Variants in TTC3 observed in about 807,000 individuals in gnomAD.
TTC3 encodes tetratricopeptide repeat domain 3, also known as E3 ubiquitin-protein ligase TTC3.
Under a neutral mutation model 249.6 loss-of-function variants are expected in TTC3, and 180 were observed. That is an observed-to-expected ratio of 0.72 (90% CI 0.64 to 0.82). The LOEUF is 0.82. TTC3 is among the 40% of genes least tolerant of loss of function. TTC3 has a pLI of 0.00. For missense variants in TTC3, 2,061 were observed against 2,398.4 expected, an observed-to-expected ratio of 0.86 and a Z score of 2.94; for synonymous variants, 717 against 805.0, an observed-to-expected ratio of 0.89 and a Z score of 1.85.
At chr21:37,091,221 G>T in intron 6 of TTC3, 72 bp from the exon 7 acceptor site, 1 of 1,492,802 alleles carries the variant, frequency 6.7e-7, no homozygotes, top group Non-Finnish European at 9.2e-7. Flanking sequence ...TGCATAAGAT[G>T]AATTTATAAT....
chr21:37,197,912 G>C, exon 44 of TTC3: 1 of 1,613,724 alleles, frequency 6.2e-7, no homozygotes, highest in Non-Finnish European at 8.5e-7. Flanking sequence ...GAGGACTTAT[G>C]AGCCCAGCTC....
In TTC3 at chr21:37,156,982, TA is replaced by T; in HGVS notation, c.2992+79del. 2.6e-6 allele frequency: 4 copies of T among 1,510,868 alleles called. 1 individual carries two copies. In the South Asian group the frequency reaches 5.0e-5, roughly 19 times the overall value. 93.6% of individuals were successfully genotyped at this position (1,510,868 alleles called of 1,614,324 possible). A position where few individuals can be genotyped will look rare whatever the true frequency, so the allele number is the denominator to read the frequency against. ...AAATCTGTGAAGGACCTAGCTTGTT[TA>T]AATATATAACAAAGAAAATAGTGAA... is the stretch of plus-strand genomic sequence containing the variant. On this transcript the variant is annotated intron_variant, in intron 28 of 45. Coordinates refer to ENST00000355666, the Ensembl canonical transcript of TTC3.
chr21:37,198,712 G>A lies in TTC3; in HGVS notation c.5850+687G>A, dbSNP rs570827493. 6.5e-4 allele frequency among the ~76,000 whole-genome samples: 99 copies of A among 152,178 alleles called. 1 individual carries two copies. The highest frequency in any genetic ancestry group is 2.2e-3 in the African/African-American group (90 of 41,516). On this transcript the variant is annotated intron_variant, in intron 44 of 45. Transcript: ENST00000355666. ...AAATAAAAAGGGCATTTAAAAACCCGCCCTGTAATCAGTATTACCACTTTG... is the reference window on the plus strand; with the variant it reads ...AAATAAAAAGGGCATTTAAAAACCCACCCTGTAATCAGTATTACCACTTTG...
chr21:37,153,331 G>C, intron 27 of TTC3, 54 bp downstream of exon 27: 1 of 1,458,690 alleles, frequency 6.9e-7, no homozygotes, highest in Non-Finnish European at 9.3e-7. Flanking sequence ...GGGAAGTGTA[G>C]GTCTCTGAGT....
chr21:37,194,966 G>A (rs2084702940), intron 41 of TTC3: 1 of 152,384 alleles, frequency 6.6e-6, no homozygotes, highest in Admixed American at 6.6e-5. Flanking sequence ...ACATTTACAG[G>A]TGCCATGCTG....
intron 34 of TTC3, among the ~76,000 whole-genome samples, chr21:37,168,920 T>A (rs2081480742): frequency 6.6e-6 from 1 of 152,198 alleles, no homozygotes; most frequent in Non-Finnish European, 1.5e-5. Flanking sequence ...GATAGCTCAC[T>A]CACATGGCTG....
At chr21:37,165,594 G>A in exon 33 of TTC3, 1 of 1,612,754 alleles carries the variant, frequency 6.2e-7, no homozygotes, top group Non-Finnish European at 8.5e-7. Flanking sequence ...TTGGACATGA[G>A]TAACAAGATG....
At chr21:37,105,024 T>C (rs907547184) in intron 10 of TTC3, among the ~76,000 whole-genome samples, 3 of 152,160 alleles carry the variant, frequency 2.0e-5, no homozygotes, top group Non-Finnish European at 4.4e-5. Context: ...CCCAGGAGAT[T>C]ATTAAGATGT....
At chr21:37,132,705 C>G in exon 17 of TTC3, 1 of 1,606,218 alleles carries the variant, frequency 6.2e-7, no homozygotes, top group Non-Finnish European at 8.5e-7. Flanking sequence ...TTGACTTTAC[C>G]AGCAGATTTG....
intron 45 of TTC3, 26 bp from the exon 46 acceptor site, chr21:37,201,414 T>G: frequency 6.2e-7 from 1 of 1,613,108 alleles, no homozygotes; most frequent in Non-Finnish European, 8.5e-7. Context: ...TGAAGGCATC[T>G]TCTGATTTTG....
intron 24 of TTC3, 70 bp downstream of exon 24, chr21:37,150,240 A>T: frequency 9.2e-7 from 1 of 1,081,936 alleles, no homozygotes; most frequent in Admixed American, 2.1e-5. Flanking sequence ...ACATGATTTG[A>T]ATTTGTAGAT....
chr21:37,139,753 T>C (rs1247528689), intron 19 of TTC3, among the ~76,000 whole-genome samples: 2 of 152,152 alleles, frequency 1.3e-5, no homozygotes, highest in Non-Finnish European at 2.9e-5. Flanking sequence ...CTTATTAGAA[T>C]TGAAGAAATC....
chr21:37,150,013 C>A, intron 23 of TTC3, 65 bp from the exon 24 acceptor site: 1 of 1,146,154 alleles, frequency 8.7e-7, no homozygotes, highest in Non-Finnish European at 1.3e-6. Flanking sequence ...AAATAGTATA[C>A]GTGTATAGAT....
At chr21:37,140,619 G>A (rs777729939) in exon 20 of TTC3, 1 of 1,606,022 alleles carries the variant, frequency 6.2e-7, no homozygotes, top group Non-Finnish European at 8.5e-7. Context: ...CCCAGTGAGG[G>A]CCTTGATTGC....
chr21:37,194,405 C>T (rs2148224695), intron 41 of TTC3: 1 of 152,156 alleles, frequency 6.6e-6, no homozygotes, highest in East Asian at 1.9e-4. Context: ...TTGCTGCTCC[C>T]TGCCCGCGAG....
intron 18 of TTC3, 115 bp downstream of exon 18, chr21:37,135,629 G>A: frequency 7.9e-7 from 1 of 1,266,408 alleles, no homozygotes. Context: ...TGCTGAGATT[G>A]GCTGAATCTA....
Position 37,197,940 on chromosome 21 carries a change from G to A in TTC3, c.5765G>A (p.Arg1922Lys). 6.2e-7 allele frequency: 1 copy of A among 1,614,044 alleles called. No homozygotes were observed. Among genetic ancestry groups the A allele is most frequent in the East Asian group, 2.2e-5 (1 of 44,872 alleles). The change falls in exon 44 of 46, where the codon AGG (arginine) becomes AAG (lysine). Residue 1922 changes from arginine (R) to lysine (K), a missense_variant. This residue lies in a region of TTC3 where 1,040 missense variants were observed against 1,186.1 expected (regional missense o/e 0.88). Coordinates refer to ENST00000355666, the Ensembl canonical transcript of TTC3. ...CCCAGCTCTGCCACCCCCGTGACCA[G>A]GTCCTCCCAGGGCTCACCCTCGGTG...
chr21:37,160,862 T>G lies in TTC3; in HGVS notation c.3096+4T>G, dbSNP rs779364930. On this transcript the variant is annotated splice_donor_region_variant and intron_variant, in intron 30 of 45. Transcript: ENST00000355666. ...AAAGAAGCCAAAGGATTCAAAGGTATGGAGTATTTTCTGTATTAATTCTTG... is the reference window on the plus strand; with the variant it reads ...AAAGAAGCCAAAGGATTCAAAGGTAGGGAGTATTTTCTGTATTAATTCTTG... The G allele has an allele frequency of 6.2e-7, 1 of 1,612,534 alleles. No individual in the cohort carries two copies. The highest frequency in any genetic ancestry group is 8.5e-7 in the Non-Finnish European group (1 of 1,179,274).
Position 37,187,034 on chromosome 21 carries a change from C to A in TTC3, c.4827-15C>A, listed in dbSNP as rs1362860229. ...TTTGTTCAAGAAAGTTTTTTTTTTC[C>A]TTCAATATTTGTAGCAACACACTTA... On this transcript the variant is annotated splice_polypyrimidine_tract_variant and intron_variant, in intron 37 of 45. Coordinates refer to ENST00000355666, the Ensembl canonical transcript of TTC3. 3.3e-6 allele frequency: 5 copies of A among 1,504,562 alleles called. No individual in the cohort carries two copies. The highest frequency in any genetic ancestry group is 1.4e-5 in the African/African-American group (1 of 69,398). 93.2% of individuals were successfully genotyped at this position (1,504,562 alleles called of 1,614,324 possible).
Sources: gnomAD v4.1 joint callset for allele counts (sites outside exome capture counted in the v4.1 genomes callset) on GRCh38, gnomAD v4.1.1 for gene constraint, gnomAD v4.1.1 regional missense constraint, MANE v1.5 for transcripts, NCBI Gene and HGNC (gene_info 2026-07-23, HGNC 2026-07-21) for gene names.